Variants in GNL2 observed in about 807,000 individuals in gnomAD.
GNL2 encodes the protein G protein nucleolar 2.
Under a neutral mutation model 92.3 loss-of-function variants are expected in GNL2, and 51 were observed. The ratio of observed to expected loss-of-function variants is 0.55; its 90% CI spans 0.44 to 0.70. The LOEUF is 0.70. Ranked by LOEUF, GNL2 falls within the 30% of genes least tolerant of loss-of-function variation. The pLI, the probability that GNL2 is intolerant of heterozygous loss-of-function variation, is 0.00. For missense variants in GNL2, 844 were observed against 895.6 expected (o/e 0.94, Z 0.74); for synonymous variants, 283 against 300.6 (o/e 0.94, Z 0.61).
At chr1:37,588,698 T>G (rs992578392) in intron 4 of GNL2, among the ~76,000 whole-genome samples, 1 of 152,200 alleles carries the variant, frequency 6.6e-6, no homozygotes, top group African/African-American at 2.4e-5. Context: ...AAAGCACATA[T>G]GCAAAGTTAC....
chr1:37,574,420 C>A lies in GNL2; in HGVS notation c.1339G>T (p.Val447Phe), dbSNP rs756075370. The A allele has an allele frequency of 6.2e-7, 1 of 1,614,070 alleles. No individual in the cohort carries two copies. Among genetic ancestry groups the A allele is most frequent in the Non-Finnish European group, 8.5e-7 (1 of 1,179,984 alleles). ...CGGCCCCTCTGCCAGTCATTGAGGA[C>A]CATCTTACCCACAGTCTGCAAGTCG... ...EPDLQTVGKM[V>F]LNDWQRGRIP... The change falls in exon 12 of 16, where the codon GTC becomes TTC. Residue 447 changes from valine (V) to phenylalanine (F), a missense_variant. Val to Phe is a conservative substitution (Grantham distance 50). Transcript: ENST00000373062.
intron 12 of GNL2, chr1:37,569,820 T>G (rs1037340549): frequency 6.5e-6 from 1 of 153,414 alleles, no homozygotes; most frequent in Non-Finnish European, 1.5e-5. Flanking sequence ...AATCCCCATG[T>G]GTTGTGGGAA....
chr1:37,590,255 T>G (rs1643880056), intron 4 of GNL2, among the ~76,000 whole-genome samples: 1 of 152,198 alleles, frequency 6.6e-6, no homozygotes. Context: ...ATTACAGGTA[T>G]GCACCACCAC....
intron 1 of GNL2, among the ~76,000 whole-genome samples, 158 bp downstream of exon 1, chr1:37,595,601 T>C (rs1288028004): frequency 6.6e-6 from 1 of 152,144 alleles, no homozygotes; most frequent in Non-Finnish European, 1.5e-5. Context: ...ACCACAAATA[T>C]TGCTTTCCTT....
At chr1:37,581,520 A>G (rs773495235) in intron 8 of GNL2, 1 of 456,130 alleles carries the variant, frequency 2.2e-6, no homozygotes, top group South Asian at 1.5e-5. Context: ...AAAGCCCAGC[A>G]GAGCGTGGAA....
chr1:37,595,920 A>T lies in GNL2; in HGVS notation c.-98T>A. Reference sequence around the variant, plus strand: ...CCGGCCGAAGACACCCGCCTGAACCACGCCGGACCACGTGTGCACGACGTA... The same window carrying T: ...CCGGCCGAAGACACCCGCCTGAACCTCGCCGGACCACGTGTGCACGACGTA... On this transcript the variant is annotated 5_prime_UTR_variant, in exon 1 of 16. Transcript: ENST00000373062. The T allele has an allele frequency of 1.1e-6, 1 of 931,076 alleles. No individual in the cohort carries two copies. Among genetic ancestry groups the T allele is most frequent in the Non-Finnish European group, 1.7e-6 (1 of 572,978 alleles). The allele number at this position is 931,076 out of a possible 1,614,324, so 57.7% of individuals were successfully genotyped here. A position where few individuals can be genotyped will look rare whatever the true frequency, so the allele number is the denominator to read the frequency against.
intron 12 of GNL2, chr1:37,569,541 A>G (rs886137188): frequency 2.2e-6 from 1 of 450,012 alleles, no homozygotes; most frequent in Non-Finnish European, 4.0e-6. Context: ...AACTAAGACT[A>G]TTTAAACCAT....
intron 2 of GNL2, 134 bp downstream of exon 2, chr1:37,593,628 G>A (rs757302950): frequency 6.5e-6 from 4 of 619,156 alleles, no homozygotes; most frequent in South Asian, 2.1e-5. Context: ...CGACACTCAC[G>A]TACAATTATA....
rs146231834 is a variant in GNL2 at position 37,569,263 on chromosome 1, C to T, written c.1456G>A (p.Ala486Thr). 2.1e-5 allele frequency: 34 copies of T among 1,612,682 alleles called. No individual in the cohort carries two copies. The African/African-American group carries it at 3.6e-4, about 17-fold the overall frequency. ...ACTTCCTCCCCTGGATTGTTCTGGG[C>T]TGCTTCTGGGACAACTTCCAAAGAT... is the stretch of plus-strand genomic sequence containing the variant. ...SSSLEVVPEA[A>T]QNNPGEEVTE... The change falls in exon 13 of 16, where the codon GCC becomes ACC. Residue 486 changes from alanine to threonine, a missense_variant. By Grantham distance (58) the Ala-to-Thr change is moderately conservative. Transcript: ENST00000373062.
chr1:37,580,026 A>G (rs1031856239), intron 8 of GNL2, among the ~76,000 whole-genome samples: 1 of 152,230 alleles, frequency 6.6e-6, no homozygotes, highest in Non-Finnish European at 1.5e-5. Context: ...ATGTAAGACA[A>G]TATCAGACTA....
At chr1:37,595,263 A>C (rs2148147138) in intron 1 of GNL2, among the ~76,000 whole-genome samples, 1 of 152,314 alleles carries the variant, frequency 6.6e-6, no homozygotes, top group Non-Finnish European at 1.5e-5. Context: ...ACATCTCCTA[A>C]ACAGCCTTAC....
At chr1:37,582,649 T>G in intron 7 of GNL2, 129 bp downstream of exon 7, 1 of 802,270 alleles carries the variant, frequency 1.2e-6, no homozygotes, top group Non-Finnish European at 2.0e-6. Context: ...TGAGCACACT[T>G]TCGTGTTTCC....
rs77187843 is a variant in GNL2, at chr1:37,568,398, C to G, written c.1869-41G>C. 7 of 1,304,890 alleles carry G rather than the reference C, an allele frequency of 5.4e-6. No homozygotes were observed. The African/African-American group carries it at 1.0e-4, about 19-fold the overall frequency. The allele number at this position is 1,304,890 out of a possible 1,614,324, so 80.8% of individuals were successfully genotyped here. On this transcript the variant is annotated intron_variant, in intron 13 of 15. Coordinates refer to ENST00000373062, the MANE Select transcript of GNL2 (RefSeq NM_013285.3). ...AAAGTAACATTCCTCCTCTCACTCG[C>G]CCGAATCACATACTGACCTGGAGAC... is the stretch of plus-strand genomic sequence containing the variant.
At chr1:37,590,641 T>C in intron 4 of GNL2, 65 bp downstream of exon 4, 1 of 1,299,004 alleles carries the variant, frequency 7.7e-7, no homozygotes, top group Non-Finnish European at 1.1e-6. Flanking sequence ...GACAAATATG[T>C]TAGAGAGGGA....
Position 37,568,299 on chromosome 1 carries a change from G to A in GNL2, c.1927C>T (p.Leu643=). The A allele has an allele frequency of 6.2e-7, 1 of 1,602,984 alleles. No homozygotes were observed. Among genetic ancestry groups the A allele is most frequent in the Non-Finnish European group, 8.5e-7 (1 of 1,169,846 alleles). Residue 643 remains leucine (L), a synonymous_variant, in exon 14 of 16, where the codon CTG becomes TTG. Coordinates refer to ENST00000373062, the MANE Select transcript of GNL2 (RefSeq NM_013285.3). ...CCTCTGTCATCTACATCTTCTTCCA[G>A]TGTTTTTCTTTGTTCTTCAGGTTTT... ...FAKPEEQRKT[L]EEDVDDRAPS...
intron 12 of GNL2, 72 bp downstream of exon 12, chr1:37,574,271 A>G: frequency 1.2e-6 from 1 of 819,432 alleles, no homozygotes; most frequent in Non-Finnish European, 2.1e-6. Context: ...CTATGAAGAG[A>G]GACAATCACA....
At chr1:37,584,274 C>T (rs1335649345) in intron 5 of GNL2, among the ~76,000 whole-genome samples, 1 of 151,812 alleles carries the variant, frequency 6.6e-6, no homozygotes, top group Non-Finnish European at 1.5e-5. Context: ...CATGGCAAAA[C>T]CCCATCTCCA....
At chr1:37,580,411 A>C (rs1320278434) in intron 8 of GNL2, among the ~76,000 whole-genome samples, 3 of 152,248 alleles carry the variant, frequency 2.0e-5, no homozygotes, top group Non-Finnish European at 4.4e-5. Context: ...AAAACAGCAT[A>C]AAGGGTAGAA....
At chr1:37,591,815 C>T (rs1643889537) in intron 3 of GNL2, among the ~76,000 whole-genome samples, 2 of 152,144 alleles carry the variant, frequency 1.3e-5, no homozygotes, top group African/African-American at 4.8e-5. Flanking sequence ...CCTGTATTTA[C>T]TCATTTGATT....
Sources: allele counts gnomAD v4.1 joint callset (sites outside exome capture counted in the v4.1 genomes callset), GRCh38; gene constraint gnomAD v4.1.1; transcripts MANE v1.5; gene names NCBI Gene and HGNC (gene_info 2026-07-23, HGNC 2026-07-21).